The following TMEM39A variants were observed in gnomAD, a reference collection of about 807,000 sequenced individuals.
TMEM39A encodes the protein transmembrane protein 39A.
TMEM39A carries 19 observed loss-of-function variants against 51.9 expected under a neutral mutation model. The ratio of observed to expected loss-of-function variants is 0.37; its 90% confidence interval spans 0.26 to 0.54. The LOEUF is 0.54. Ranked by LOEUF, TMEM39A falls within the 20% of genes least tolerant of loss-of-function variation. The probability of loss-of-function intolerance (pLI) is 0.88; values close to 1 mark genes in which losing one functional copy is unlikely to be tolerated. For synonymous variants in TMEM39A, 197 were observed against 220.2 expected, an observed-to-expected ratio of 0.89 and a Z score of 0.93; for missense variants, 433 against 590.5, an observed-to-expected ratio of 0.73 and a Z score of 2.76.
chr3:119,435,912 C>G (rs1156959647), intron 7 of TMEM39A: 1 of 1,289,656 alleles, frequency 7.8e-7, no homozygotes, highest in East Asian at 5.5e-5. Flanking sequence ...CTTTCAGTTC[C>G]TGGGCTTGAA....
At chr3:119,432,344 T>A (rs1178783144) in intron 8 of TMEM39A, 130 bp from the exon 9 acceptor site, 5 of 583,932 alleles carry the variant, frequency 8.6e-6, no homozygotes, top group Non-Finnish European at 1.2e-5. Flanking sequence ...TAGATCTGTT[T>A]ATTTAATATC....
In TMEM39A at chr3:119,450,465, T is replaced by C. The variant is rs78217522; in HGVS notation, c.420+1982A>G. ...TCCCTTACTGATGAACATTAAGTTA[T>C]AGAATTAAGACTTTGATAAAACGAT... is the stretch of plus-strand genomic sequence containing the variant. On this transcript the variant is annotated intron_variant, in intron 4 of 8. Transcript: ENST00000319172. Among the ~76,000 whole-genome samples the C allele has an allele frequency of 8.0e-3, 1,221 of 152,320 alleles. 22 individuals carry two copies. Among genetic ancestry groups the C allele is most frequent in the South Asian group, 0.072 (346 of 4,824 alleles).
chr3:119,442,043 TA>T (rs1421570893), intron 5 of TMEM39A, among the ~76,000 whole-genome samples: 1 of 152,158 alleles, frequency 6.6e-6, no homozygotes. Context: ...AAGATTCCTT[TA>T]AAAATATTAT....
intron 4 of TMEM39A, among the ~76,000 whole-genome samples, chr3:119,447,835 G>A (rs1485801006): frequency 6.6e-6 from 1 of 151,980 alleles, no homozygotes; most frequent in Non-Finnish European, 1.5e-5. Context: ...TGTTGGCCAG[G>A]ATTGTCCTAA....
Position 119,430,127 on chromosome 3 carries a change from AG to A in TMEM39A, c.*1853del, listed in dbSNP as rs1385270920. 6.6e-6 allele frequency: 1 copy of A among 152,130 alleles called. No individual in the cohort carries two copies. Among genetic ancestry groups the A allele is most frequent in the East Asian group, 1.9e-4 (1 of 5,202 alleles). The allele number at this position is 152,130 out of a possible 1,614,324, so 9.4% of individuals were successfully genotyped here. ...CCCTACCCTTCCCACCCCTACCTCA[AG>A]AACCACTATATTTAGGCTGAACTAC... On this transcript the variant is annotated 3_prime_UTR_variant, in exon 9 of 9. Transcript: ENST00000319172.
chr3:119,433,362 A>G (rs2080925033), intron 8 of TMEM39A, among the ~76,000 whole-genome samples: 1 of 152,190 alleles, frequency 6.6e-6, no homozygotes, highest in African/African-American at 2.4e-5. Flanking sequence ...ATTCTGGTTC[A>G]GAAGTCTGAT....
intron 6 of TMEM39A, 129 bp from the exon 7 acceptor site, chr3:119,437,107 C>T (rs772829730): frequency 8.8e-6 from 7 of 792,938 alleles, no homozygotes; most frequent in South Asian, 2.4e-5. Context: ...TCCTGCTGTC[C>T]GTGCAGAAAA....
chr3:119,458,452 A>G (rs188210316), intron 2 of TMEM39A, among the ~76,000 whole-genome samples: 17 of 152,278 alleles, frequency 1.1e-4, no homozygotes, highest in Admixed American at 1.1e-3. Flanking sequence ...TGAAGACTAT[A>G]ATTTCTCTCC....
At chr3:119,440,933 A>G (rs541332081) in intron 5 of TMEM39A, among the ~76,000 whole-genome samples, 3 of 152,210 alleles carry the variant, frequency 2.0e-5, no homozygotes, top group Non-Finnish European at 4.4e-5. Flanking sequence ...TATTTTGGTA[A>G]TTCTCCCAAT....
intron 8 of TMEM39A, 96 bp downstream of exon 8, chr3:119,434,666 G>T: frequency 6.7e-7 from 1 of 1,489,652 alleles, no homozygotes; most frequent in Non-Finnish European, 9.1e-7. Flanking sequence ...TAATTTCCTA[G>T]TATGTGCTAC....
intron 6 of TMEM39A, among the ~76,000 whole-genome samples, chr3:119,437,413 AAG>A (rs2080984660): frequency 6.6e-6 from 1 of 152,118 alleles, no homozygotes; most frequent in Non-Finnish European, 1.5e-5. Context: ...TAACCATGTT[AAG>A]ATCAACCACA....
intron 5 of TMEM39A, among the ~76,000 whole-genome samples, chr3:119,443,063 CAA>C (rs56263355): frequency 1.4e-3 from 75 of 53,092 alleles, no homozygotes; most frequent in Middle Eastern, 9.1e-3. Context: ...GACCCTGTCT[CAA>C]AAAAAAAAAA....
chr3:119,461,529 G>C (rs529347344), intron 2 of TMEM39A, among the ~76,000 whole-genome samples: 1 of 152,202 alleles, frequency 6.6e-6, no homozygotes, highest in Non-Finnish European at 1.5e-5. Flanking sequence ...TGATGGCATG[G>C]GCTAACCCAG....
chr3:119,451,555 G>A (rs2081198522), intron 4 of TMEM39A, among the ~76,000 whole-genome samples: 1 of 152,178 alleles, frequency 6.6e-6, no homozygotes, highest in African/African-American at 2.4e-5. Flanking sequence ...ATGAGGCCAG[G>A]CATGGTGGCT....
intron 3 of TMEM39A, among the ~76,000 whole-genome samples, chr3:119,454,695 C>T (rs144303410): frequency 7.6e-4 from 116 of 152,160 alleles, no homozygotes; most frequent in African/African-American, 2.7e-3. Flanking sequence ...GAGGCTGAGG[C>T]AGGAGAATCG....
At chr3:119,440,047 T>C (rs907976053) in intron 5 of TMEM39A, among the ~76,000 whole-genome samples, 1 of 152,018 alleles carries the variant, frequency 6.6e-6, no homozygotes, top group South Asian at 2.1e-4. Context: ...GGATTACAGG[T>C]GTAAGCCACC....
At chr3:119,435,445 A>T in intron 7 of TMEM39A, 1 of 983,296 alleles carries the variant, frequency 1.0e-6, no homozygotes, top group South Asian at 4.7e-5. Context: ...ACACACACAG[A>T]CTTTTCACTG....
Position 119,429,015 on chromosome 3 carries a change from A to G in TMEM39A, c.*2966T>C, listed in dbSNP as rs1319126861. 6.6e-6 allele frequency among the ~76,000 whole-genome samples: 1 copy of G among 152,150 alleles called. No individual in the cohort carries two copies. Among genetic ancestry groups the G allele is most frequent in the Non-Finnish European group, 1.5e-5 (1 of 68,014 alleles). ...ACACTCAAGATTGTTAATAGATCTG[A>G]TATCTATTACGTATCTCATACATAT... On this transcript the variant is annotated 3_prime_UTR_variant, in exon 9 of 9. Transcript: ENST00000319172.
At chr3:119,461,313 T>A (rs1465959169) in intron 2 of TMEM39A, among the ~76,000 whole-genome samples, 4 of 151,642 alleles carry the variant, frequency 2.6e-5, no homozygotes, top group Non-Finnish European at 5.9e-5. Flanking sequence ...AGGACAAAGG[T>A]CAGGCCTAGA....
Sources: allele counts gnomAD v4.1 joint callset (sites outside exome capture counted in the v4.1 genomes callset), GRCh38; gene constraint gnomAD v4.1.1; transcripts MANE v1.5; gene names NCBI Gene and HGNC (gene_info 2026-07-23, HGNC 2026-07-21).